Variants in PARD3 observed in about 807,000 individuals in gnomAD.
The protein encoded by PARD3 is par-3 family cell polarity regulator.
PARD3 carries 75 observed loss-of-function variants against 155.4 expected under a neutral mutation model. That is an observed-to-expected ratio of 0.48 (90% CI 0.40 to 0.58). The LOEUF (loss-of-function observed/expected upper bound fraction) is 0.58. Ranked by LOEUF, PARD3 falls within the 20% of genes least tolerant of loss-of-function variation. The probability of loss-of-function intolerance (pLI) is 0.00; values close to 1 mark genes in which losing one functional copy is unlikely to be tolerated. For missense variants in PARD3, 1,642 were observed against 1,721.7 expected, an observed-to-expected ratio of 0.95 and a Z score of 0.82; for synonymous variants, 576 against 610.5, an observed-to-expected ratio of 0.94 and a Z score of 0.83.
Position 34,269,585 on chromosome 10 carries a change from G to T in PARD3, c.3419+72C>A. On this transcript the variant is annotated intron_variant, in intron 22 of 24. Transcript: ENST00000374788. ...AATTCTGGTTTGAGGATTGATGAAT[G>T]GTCTACTCCCCTGTCAGAAGCTGTA... 6 of 1,518,374 alleles carry T rather than the reference G, an allele frequency of 4.0e-6. No individual in the cohort carries two copies. The South Asian group carries it at 4.8e-5, about 12-fold the overall frequency. The allele number at this position is 1,518,374 out of a possible 1,614,324, so 94.1% of individuals were successfully genotyped here.
intron 2 of PARD3, among the ~76,000 whole-genome samples, chr10:34,656,489 T>C (rs1354338651): frequency 6.6e-6 from 1 of 152,224 alleles, no homozygotes; most frequent in Admixed American, 6.5e-5. Context: ...TAATTATTAC[T>C]TTTGATAAAG....
intron 2 of PARD3, among the ~76,000 whole-genome samples, chr10:34,556,104 CCTGAAGAAAG>C (rs1244078433): frequency 1.3e-5 from 2 of 152,012 alleles, no homozygotes; most frequent in Non-Finnish European, 2.9e-5. Context: ...AAGCAGAAGC[CCTGAAGAAAG>C]CAGAAATCAG....
chr10:34,579,574 G>GTGTGTGTA (rs1554775642), intron 2 of PARD3, among the ~76,000 whole-genome samples: 5 of 151,054 alleles, frequency 3.3e-5, no homozygotes, highest in South Asian at 2.1e-4. Flanking sequence ...GTGTGTGTGT[G>GTGTGTGTA]TGTGTGTGTG....
chr10:34,549,561 T>C (rs1239241610), intron 2 of PARD3, among the ~76,000 whole-genome samples: 1 of 152,180 alleles, frequency 6.6e-6, no homozygotes, highest in Non-Finnish European at 1.5e-5. Context: ...AGCCAGTCCC[T>C]GCAGCCCCAC....
intron 1 of PARD3, among the ~76,000 whole-genome samples, chr10:34,773,357 CG>C (rs1333879079): frequency 6.6e-6 from 1 of 152,092 alleles, no homozygotes; most frequent in Non-Finnish European, 1.5e-5. Context: ...AATGAATAAC[CG>C]TGGCTGACTT....
chr10:34,521,572 C>T (rs2133694188), intron 2 of PARD3, among the ~76,000 whole-genome samples: 1 of 152,262 alleles, frequency 6.6e-6, no homozygotes, highest in Admixed American at 6.5e-5. Context: ...AATTATTAAT[C>T]TCTCTTCTGT....
chr10:34,254,410 A>AAAACAC (rs1203800912), intron 22 of PARD3, among the ~76,000 whole-genome samples: 4 of 151,798 alleles, frequency 2.6e-5, no homozygotes, highest in African/African-American at 9.7e-5. Flanking sequence ...AACAAAAACA[A>AAAACAC]ACAAAAAAAT....
chr10:34,548,047 T>C (rs904628108), intron 2 of PARD3, among the ~76,000 whole-genome samples: 20 of 152,220 alleles, frequency 1.3e-4, no homozygotes, highest in African/African-American at 4.8e-4. Context: ...TTGATTTTTT[T>C]AGGTTATAGC....
chr10:34,282,519 T>C (rs1956207150), intron 21 of PARD3, among the ~76,000 whole-genome samples: 1 of 152,140 alleles, frequency 6.6e-6, no homozygotes, highest in Admixed American at 6.5e-5. Context: ...TTTTGGAAAA[T>C]GTTGATAGAA....
At chr10:34,519,806 T>A (rs975145078) in intron 2 of PARD3, among the ~76,000 whole-genome samples, 4 of 144,044 alleles carry the variant, frequency 2.8e-5, no homozygotes, top group African/African-American at 1.0e-4. Context: ...AGAGCGAGAC[T>A]CCATCTCAAA....
chr10:34,657,685 C>A (rs1240828014), intron 2 of PARD3, among the ~76,000 whole-genome samples: 1 of 152,100 alleles, frequency 6.6e-6, no homozygotes, highest in Non-Finnish European at 1.5e-5. Flanking sequence ...ATTACAGGCA[C>A]ACGCCACCAC....
rs1322046226 is a variant in PARD3 at position 34,557,611 on chromosome 10, T to G, written c.223-40452A>C. ...CTCTTGTCTCAGCCTCCTGAGTAGCTGGGATTACAGGCGTCCGCCACCATG... is the reference window on the plus strand; with the variant it reads ...CTCTTGTCTCAGCCTCCTGAGTAGCGGGGATTACAGGCGTCCGCCACCATG... On this transcript the variant is annotated intron_variant, in intron 2 of 24. Transcript: ENST00000374788. Among the ~76,000 whole-genome samples, 6 of 152,080 alleles carry G rather than the reference T, an allele frequency of 3.9e-5. No homozygotes were observed. In the East Asian group the frequency reaches 9.7e-4, roughly 25 times the overall value.
At chr10:34,441,918 T>G (rs2076484782) in intron 5 of PARD3, among the ~76,000 whole-genome samples, 2 of 152,332 alleles carry the variant, frequency 1.3e-5, no homozygotes, top group Middle Eastern at 3.4e-3. Flanking sequence ...GGTTTTATTT[T>G]GGGTGTTATT....
intron 20 of PARD3, among the ~76,000 whole-genome samples, chr10:34,303,604 G>T (rs1358344811): frequency 6.6e-6 from 1 of 151,428 alleles, no homozygotes; most frequent in Non-Finnish European, 1.5e-5. Flanking sequence ...AGCTATAAGA[G>T]CAGGAATTCG....
intron 22 of PARD3, among the ~76,000 whole-genome samples, chr10:34,186,160 G>A (rs576063375): frequency 6.6e-6 from 1 of 152,028 alleles, no homozygotes; most frequent in African/African-American, 2.4e-5. Flanking sequence ...GATGCAGGAA[G>A]AAAAGGAAAG....
At chr10:34,169,982 A>C (rs1949712505) in intron 22 of PARD3, among the ~76,000 whole-genome samples, 1 of 152,236 alleles carries the variant, frequency 6.6e-6, no homozygotes, top group Admixed American at 6.5e-5. Context: ...ACATGAGCTG[A>C]CAACACTAGA....
At chr10:34,725,394 A>T (rs1259576679) in intron 1 of PARD3, among the ~76,000 whole-genome samples, 1 of 152,070 alleles carries the variant, frequency 6.6e-6, no homozygotes, top group Non-Finnish European at 1.5e-5. Flanking sequence ...CCTCTAGGTG[A>T]TCCACCTGTC....
intron 5 of PARD3, among the ~76,000 whole-genome samples, chr10:34,412,849 T>G (rs562306366): frequency 2.0e-5 from 3 of 152,198 alleles, no homozygotes; most frequent in African/African-American, 7.2e-5. Flanking sequence ...GAAAGAGACA[T>G]TACAATTTTT....
At chr10:34,287,492 T>C (rs780699941) in intron 20 of PARD3, among the ~76,000 whole-genome samples, 1 of 151,810 alleles carries the variant, frequency 6.6e-6, no homozygotes, top group Non-Finnish European at 1.5e-5. Flanking sequence ...AGGTACAGTT[T>C]AGTCTTTAAG....
Sources: allele counts gnomAD v4.1 joint callset (sites outside exome capture counted in the v4.1 genomes callset), GRCh38; gene constraint gnomAD v4.1.1; transcripts MANE v1.5; gene names NCBI Gene and HGNC (gene_info 2026-07-23, HGNC 2026-07-21).